BAZ2B: variants seen among roughly 807,000 people sequenced by gnomAD.
BAZ2B encodes bromodomain adjacent to zinc finger domain protein 2B.
BAZ2B carries 91 observed loss-of-function variants against 246.0 expected under a neutral mutation model. The ratio of observed to expected loss-of-function variants is 0.37; its 90% confidence interval spans 0.31 to 0.44. The LOEUF is 0.44. Among genes scored for constraint, BAZ2B ranks in the 20% least tolerant of loss-of-function variants. The pLI is 1.00. For missense variants in BAZ2B, 2,332 were observed against 2,533.7 expected, an observed-to-expected ratio of 0.92 and a Z score of 1.71; for synonymous variants, 855 against 860.0, an observed-to-expected ratio of 0.99 and a Z score of 0.10.
At chr2:159,619,637 A>T (rs1696352406), upstream of BAZ2B, among the ~76,000 whole-genome samples, 1 of 151,548 alleles carries the variant, frequency 6.6e-6, no homozygotes, top group South Asian at 2.1e-4. Flanking sequence ...ATTCAATTTA[A>T]TCTGTATTTT....
At chr2:159,578,641 C>T (rs541480549) in intron 1 of BAZ2B, among the ~76,000 whole-genome samples, 13 of 152,188 alleles carry the variant, frequency 8.5e-5, no homozygotes, top group African/African-American at 1.7e-4. Flanking sequence ...AGCAACACAT[C>T]GCACTTATTC....
chr2:159,531,776 A>T (rs931136316), intron 2 of BAZ2B, among the ~76,000 whole-genome samples: 2 of 152,176 alleles, frequency 1.3e-5, no homozygotes, highest in African/African-American at 2.4e-5. Context: ...ATACATCTAC[A>T]GCAGATGATA....
At chr2:159,508,707 CT>C (rs998702410) in intron 2 of BAZ2B, among the ~76,000 whole-genome samples, 1 of 152,196 alleles carries the variant, frequency 6.6e-6, no homozygotes, top group Non-Finnish European at 1.5e-5. Flanking sequence ...TGTATACCCC[CT>C]GACCAGAAAT....
At chr2:159,430,641 A>C (rs957742344) in intron 10 of BAZ2B, among the ~76,000 whole-genome samples, 12 of 152,170 alleles carry the variant, frequency 7.9e-5, no homozygotes, top group Non-Finnish European at 1.6e-4. Context: ...AAACCAAAGG[A>C]ACTATCATCA....
At position 159,324,830 on chromosome 2, in the gene BAZ2B, C is replaced by T; in HGVS notation, c.6334G>A (p.Glu2112Lys). 6.6e-7 allele frequency: 1 copy of T among 1,506,146 alleles called. No homozygotes were observed. Among genetic ancestry groups the T allele is most frequent in the South Asian group, 1.4e-5 (1 of 72,584 alleles). The allele number at this position is 1,506,146 out of a possible 1,614,324, so 93.3% of individuals were successfully genotyped here. A position where few individuals can be genotyped will look rare whatever the true frequency, so the allele number is the denominator to read the frequency against. The change falls in exon 36 of 37, where the codon GAG becomes AAG. Residue 2112 changes from glutamate (E) to lysine (K), a missense_variant. By Grantham distance (56) the Glu-to-Lys change is moderately conservative (BLOSUM62 1). Around this residue, in one of 9 missense-constraint regions of BAZ2B, gnomAD observed 210 missense variants for 232.5 expected, o/e 0.90. Transcript: ENST00000392783. ...ACTTACTGTCCACTACTTAGTTTCT[C>T]TCTAATTGTGGAAAAATCCATAGGC... ...KKPMDFSTIR[E>K]KLSSGQYPNL...
At chr2:159,579,967 G>A (rs1578585125) in intron 1 of BAZ2B, among the ~76,000 whole-genome samples, 1 of 152,148 alleles carries the variant, frequency 6.6e-6, no homozygotes, top group East Asian at 1.9e-4. Flanking sequence ...ATATCATACT[G>A]AATGGGCAAA....
chr2:159,338,148 G>T (rs1044906538), intron 31 of BAZ2B, among the ~76,000 whole-genome samples: 9 of 152,034 alleles, frequency 5.9e-5, no homozygotes, highest in Non-Finnish European at 1.0e-4. Context: ...TTATTCTTCT[G>T]TACAGGTCCT....
intron 1 of BAZ2B, among the ~76,000 whole-genome samples, chr2:159,570,371 G>A (rs1253728735): frequency 1.3e-5 from 2 of 151,834 alleles, no homozygotes; most frequent in Non-Finnish European, 2.9e-5. Flanking sequence ...TTTTAGTAGA[G>A]ACAAGGTTTC....
At chr2:159,522,412 CATA>C (rs576122052) in intron 2 of BAZ2B, among the ~76,000 whole-genome samples, 77 of 152,208 alleles carry the variant, frequency 5.1e-4, no homozygotes, top group Non-Finnish European at 9.0e-4. Context: ...GCTACTAATT[CATA>C]ATAATAACAG....
At chr2:159,401,688 G>T (rs571996376) in intron 16 of BAZ2B, among the ~76,000 whole-genome samples, 1 of 152,032 alleles carries the variant, frequency 6.6e-6, no homozygotes, top group African/African-American at 2.4e-5. Context: ...ACTGGTTATT[G>T]GATATGTTTT....
In BAZ2B at chr2:159,448,373, C is replaced by T. The variant is rs143630166; in HGVS notation, c.371G>A (p.Arg124His). The T allele has an allele frequency of 2.1e-5, 34 of 1,605,100 alleles. No individual in the cohort carries two copies. The highest frequency in any genetic ancestry group is 6.8e-5 in the East Asian group (3 of 44,300). Residue 124 changes from arginine (R) to histidine (H), a missense_variant, in exon 5 of 37, where the codon CGT becomes CAT. Arg to His is a conservative substitution (Grantham distance 29, BLOSUM62 0). Transcript: ENST00000392783. Reference protein sequence around the residue: ...EWWRTTDAHTRTGATFFPPLL... With the variant: ...EWWRTTDAHTHTGATFFPPLL... ...TGGTGGAAAGAAGGTTGCTCCTGTA[C>T]GAGTATGAGCATCAGTTGTTCGCCA...
At chr2:159,500,786 T>C (rs2081617026) in intron 2 of BAZ2B, among the ~76,000 whole-genome samples, 2 of 151,900 alleles carry the variant, frequency 1.3e-5, no homozygotes, top group Non-Finnish European at 2.9e-5. Flanking sequence ...TCACCCAGTC[T>C]TTACTAAAAG....
At chr2:159,542,573 G>C (rs2086789394) in intron 2 of BAZ2B, among the ~76,000 whole-genome samples, 1 of 152,088 alleles carries the variant, frequency 6.6e-6, no homozygotes, top group East Asian at 1.9e-4. Context: ...GGAGTTCATG[G>C]CTGCCATGAG....
rs3061984 is a variant in BAZ2B at position 159,404,371 on chromosome 2, AT to A, written c.2832+477del. 579 of 138,790 alleles carry A rather than the reference AT, an allele frequency of 4.2e-3. 2 individuals carry two copies. The highest frequency in any genetic ancestry group is 5.4e-3 in the Admixed American group (75 of 13,762). 8.6% of individuals were successfully genotyped at this position (138,790 alleles called of 1,614,324 possible). A position where few individuals can be genotyped will look rare whatever the true frequency, so the allele number is the denominator to read the frequency against. ...GATTTGCTAAAATAATGCTGTCATC[AT>A]TTTTTTTTTTTTTTTTGCAGTGGCA... On this transcript the variant is annotated intron_variant, in intron 16 of 36. Transcript: ENST00000392783.
At chr2:159,325,133 ATATATATATATATAT>A (rs1558945287) in intron 35 of BAZ2B, among the ~76,000 whole-genome samples, 179 bp from the exon 36 acceptor site, 1 of 40,994 alleles carries the variant, frequency 2.4e-5, no homozygotes, top group African/African-American at 9.8e-5. Context: ...ATATATATAT[ATATATATATATATAT>A]GAGATAGGGT....
chr2:159,394,517 T>G (rs1314654945), intron 20 of BAZ2B, among the ~76,000 whole-genome samples: 1 of 152,208 alleles, frequency 6.6e-6, no homozygotes, highest in Non-Finnish European at 1.5e-5. Flanking sequence ...GGAAAAGTGT[T>G]GGAGTAAAAC....
At chr2:159,635,490 G>A in the BAZ2B span, among the ~76,000 whole-genome samples, 6 of 152,064 alleles carry the variant, frequency 3.9e-5, no homozygotes, top group African/African-American at 1.2e-4. Context: ...GGTCCTGGGC[G>A]CCACACTACG....
intron 30 of BAZ2B, 92 bp from the exon 31 acceptor site, chr2:159,347,738 C>A: frequency 9.3e-7 from 1 of 1,071,734 alleles, no homozygotes. Flanking sequence ...TTCTAGGAGA[C>A]CCATGTACAT....
chr2:159,361,462 C>T (rs370321823), intron 27 of BAZ2B, among the ~76,000 whole-genome samples: 10 of 152,004 alleles, frequency 6.6e-5, no homozygotes, highest in South Asian at 2.1e-4. Flanking sequence ...CAGATGCTGG[C>T]GAGGCTGTGG....
Sources: gnomAD v4.1 joint callset for allele counts (sites outside exome capture counted in the v4.1 genomes callset) on GRCh38, gnomAD v4.1.1 for gene constraint, gnomAD v4.1.1 regional missense constraint, MANE v1.5 for transcripts, NCBI Gene and HGNC (gene_info 2026-07-23, HGNC 2026-07-21) for gene names.